PPA2: variants seen among roughly 807,000 people sequenced by gnomAD.
The protein encoded by PPA2 is inorganic pyrophosphatase 2, mitochondrial.
A neutral mutation model predicts 49.5 loss-of-function variants in PPA2; 48 were observed. The ratio of observed to expected loss-of-function variants is 0.97; its 90% CI spans 0.77 to 1.23. PPA2 has a LOEUF of 1.23. Among genes scored for constraint, PPA2 ranks in the 50% most tolerant of loss-of-function variants. The pLI is 0.00. For synonymous variants in PPA2, 131 were observed against 139.9 expected (o/e 0.94, Z 0.45); for missense variants, 429 against 410.1 (o/e 1.05, Z -0.40).
chr4:105,396,722 G>A (rs141150516), intron 8 of PPA2, among the ~76,000 whole-genome samples: 1 of 152,198 alleles, frequency 6.6e-6, no homozygotes, highest in Non-Finnish European at 1.5e-5. Context: ...GAAATCATAC[G>A]ATCTGCAAAG....
At position 105,405,117 on chromosome 4, in the gene PPA2, A is replaced by C. The variant is rs918210489; in HGVS notation, c.656-5953T>G. 9 of 534,800 alleles carry C rather than the reference A, an allele frequency of 1.7e-5. No individual in the cohort carries two copies. In the East Asian group the frequency reaches 1.3e-3, roughly 79 times the overall value. The allele number at this position is 534,800 out of a possible 1,614,324, so 33.1% of individuals were successfully genotyped here. On this transcript the variant is annotated intron_variant, in intron 7 of 11. Coordinates refer to ENST00000341695, the MANE Select transcript of PPA2 (RefSeq NM_176869.3). ...TAAATGAATAAATAAATAAATACAC[A>C]AACATGAGTTAATTTTTTTAGAAAA...
At position 105,424,318 on chromosome 4, in the gene PPA2, A is replaced by C; in HGVS notation, c.533T>G (p.Leu178Arg). 1 of 1,586,730 alleles carries C rather than the reference A, an allele frequency of 6.3e-7. No homozygotes were observed. The highest frequency in any genetic ancestry group is 8.5e-7 in the Non-Finnish European group (1 of 1,173,424). The change falls in exon 7 of 12, where the codon CTT (leucine) becomes CGT (arginine). Residue 178 changes from leucine (L) to arginine (R), a missense_variant. By Grantham distance (102) the Leu-to-Arg change is moderately radical (BLOSUM62 -2). Coordinates refer to ENST00000341695, the MANE Select transcript of PPA2 (RefSeq NM_176869.3). ...CACATGAATAACTTCTCCACAAGAA[A>C]GAATCTTTAAAGAAAAAAGAAATTC... ...IDVCEIGSKI[L>R]SCGEVIHVKI...
intron 7 of PPA2, among the ~76,000 whole-genome samples, chr4:105,407,638 A>G (rs1337742605): frequency 6.6e-6 from 1 of 152,348 alleles, no homozygotes; most frequent in East Asian, 1.9e-4. Flanking sequence ...AAAAAATGGA[A>G]GACCGTTCAA....
intron 1 of PPA2, among the ~76,000 whole-genome samples, chr4:105,465,142 A>G (rs1260492869): frequency 6.6e-6 from 1 of 152,178 alleles, no homozygotes; most frequent in Non-Finnish European, 1.5e-5. Flanking sequence ...AGGAGGGAGA[A>G]ATGAATATCT....
intron 8 of PPA2, among the ~76,000 whole-genome samples, chr4:105,397,944 A>G (rs1047709983): frequency 6.6e-6 from 1 of 152,196 alleles, no homozygotes; most frequent in African/African-American, 2.4e-5. Flanking sequence ...CAGTTCTTTC[A>G]TAGCAATACT....
intron 5 of PPA2, among the ~76,000 whole-genome samples, chr4:105,444,823 C>T (rs529479893): frequency 4.3e-4 from 66 of 152,184 alleles, no homozygotes; most frequent in East Asian, 1.2e-3. Context: ...AAGAACCATA[C>T]GATAATAAAA....
intron 1 of PPA2, among the ~76,000 whole-genome samples, chr4:105,466,912 A>C (rs1578891819): frequency 6.6e-6 from 1 of 152,138 alleles, no homozygotes; most frequent in African/African-American, 2.4e-5. Context: ...TGTCCCTAGG[A>C]GGTCACATAC....
At chr4:105,415,930 A>G (rs761497896) in intron 7 of PPA2, among the ~76,000 whole-genome samples, 22 of 152,238 alleles carry the variant, frequency 1.4e-4, no homozygotes, top group Admixed American at 9.2e-4. Context: ...AAATGGAGTG[A>G]CAGGTGTGTG....
intron 5 of PPA2, among the ~76,000 whole-genome samples, chr4:105,442,007 T>A (rs1384508459): frequency 5.2e-5 from 1 of 19,270 alleles, no homozygotes; most frequent in Non-Finnish European, 1.0e-4. Context: ...CTACCATCAC[T>A]TTTTTTTTTT....
intron 1 of PPA2, among the ~76,000 whole-genome samples, chr4:105,462,674 T>C (rs1479116645): frequency 1.3e-5 from 2 of 152,226 alleles, no homozygotes; most frequent in Non-Finnish European, 2.9e-5. Context: ...TTGATATGGT[T>C]TGGCTGTGTC....
At chr4:105,445,466 C>G (rs909868782) in intron 5 of PPA2, among the ~76,000 whole-genome samples, 25 of 149,592 alleles carry the variant, frequency 1.7e-4, no homozygotes, top group African/African-American at 5.8e-4. Context: ...TCAGAGACAG[C>G]CTGACTCTTT....
rs755844015 is a variant in PPA2, at chr4:105,438,005, C to G, written c.473G>C (p.Ser158Thr). The G allele has an allele frequency of 1.2e-6, 2 of 1,606,372 alleles. No individual in the cohort carries two copies. Among genetic ancestry groups the G allele is most frequent in the African/African-American group, 1.3e-5 (1 of 74,308 alleles). Reference sequence around the variant, plus strand: ...ATCATTATCTCCAAAGCAGTTCGTGCTCTTATCTTTTTCATGGGGATCTTC... The same window carrying G: ...ATCATTATCTCCAAAGCAGTTCGTGGTCTTATCTTTTTCATGGGGATCTTC... Reference protein sequence around the residue: ...TWEDPHEKDKSTNCFGDNDPI... With the variant: ...TWEDPHEKDKTTNCFGDNDPI... Residue 158 changes from serine (S) to threonine (T), a missense_variant, in exon 6 of 12, where the codon AGC becomes ACC. By Grantham distance (58) the Ser-to-Thr change is moderately conservative (BLOSUM62 1). Coordinates refer to ENST00000341695, the MANE Select transcript of PPA2 (RefSeq NM_176869.3).
At chr4:105,424,683 C>T (rs2726515) in intron 6 of PPA2, among the ~76,000 whole-genome samples, 84,762 of 151,856 alleles carry the variant, frequency 0.56, 23,730 homozygotes, top group East Asian at 0.68. Flanking sequence ...GATGTGATTG[C>T]CCTGGTTTTC....
At chr4:105,426,316 T>C (rs1723506147) in intron 6 of PPA2, among the ~76,000 whole-genome samples, 1 of 152,194 alleles carries the variant, frequency 6.6e-6, no homozygotes, top group Non-Finnish European at 1.5e-5. Context: ...ACCTGGTTCA[T>C]CTCATTGGGA....
At chr4:105,449,037 T>C (rs1407867788) in intron 4 of PPA2, among the ~76,000 whole-genome samples, 3 of 127,930 alleles carry the variant, frequency 2.3e-5, no homozygotes, top group Non-Finnish European at 4.7e-5. Flanking sequence ...GCTAAAACGG[T>C]GAAACCCCGT....
chr4:105,450,601 CTTTTTTT>C (rs575896250), intron 3 of PPA2, among the ~76,000 whole-genome samples: 35,089 of 83,060 alleles, frequency 0.42, 6,011 homozygotes, highest in Middle Eastern at 0.57. Context: ...GTCTGGAATT[CTTTTTTT>C]TTTTTTTTTT....
intron 1 of PPA2, among the ~76,000 whole-genome samples, chr4:105,466,609 A>G (rs2110331228): frequency 6.6e-6 from 1 of 152,342 alleles, no homozygotes; most frequent in East Asian, 1.9e-4. Flanking sequence ...AGATGGAATC[A>G]GTTTATTATA....
intron 8 of PPA2, among the ~76,000 whole-genome samples, chr4:105,397,966 G>A (rs1278286017): frequency 3.9e-5 from 6 of 152,032 alleles, no homozygotes; most frequent in Non-Finnish European, 2.9e-5. Flanking sequence ...AGGGCACTAA[G>A]GCTCTATATT....
intron 4 of PPA2, among the ~76,000 whole-genome samples, chr4:105,448,575 TAAA>T (rs879922701): frequency 7.6e-6 from 1 of 131,038 alleles, no homozygotes; most frequent in Non-Finnish European, 1.7e-5. Context: ...CGGAAAAATT[TAAA>T]AAAAAAAAAA....
Sources: gnomAD v4.1 joint callset for allele counts (sites outside exome capture counted in the v4.1 genomes callset) on GRCh38, gnomAD v4.1.1 for gene constraint, MANE v1.5 for transcripts, NCBI Gene and HGNC (gene_info 2026-07-23, HGNC 2026-07-21) for gene names.